Variants in RPS6KA5 observed in about 807,000 individuals in gnomAD.
The protein encoded by RPS6KA5 is ribosomal protein S6 kinase alpha-5.
In RPS6KA5, 27 loss-of-function variants were observed where a neutral mutation model predicts 85.5. That is an observed-to-expected ratio of 0.32 (90% CI 0.23 to 0.44). RPS6KA5 has a LOEUF of 0.44. Ranked by LOEUF, RPS6KA5 falls within the 20% of genes least tolerant of loss-of-function variation. The pLI is 1.00. For synonymous variants in RPS6KA5, 334 were observed against 348.2 expected (o/e 0.96, Z 0.46); for missense variants, 811 against 980.9 (o/e 0.83, Z 2.31).
intron 14 of RPS6KA5, among the ~76,000 whole-genome samples, chr14:90,876,302 G>A (rs1263215786): frequency 6.6e-6 from 1 of 151,972 alleles, no homozygotes; most frequent in Non-Finnish European, 1.5e-5. Context: ...CCTTTCCCCA[G>A]GACATGTAAC....
At position 91,032,078 on chromosome 14, in the gene RPS6KA5, T is replaced by A. The variant is rs537449692; in HGVS notation, c.103+28254A>T. Reference sequence around the variant, plus strand: ...AAACACCGTTCTCACCATTCTCAACTACCTTCTCCCCTTGGGAAGCTCAAT... The same window carrying A: ...AAACACCGTTCTCACCATTCTCAACAACCTTCTCCCCTTGGGAAGCTCAAT... On this transcript the variant is annotated intron_variant, in intron 1 of 16. Transcript: ENST00000614987. 9.2e-5 allele frequency among the ~76,000 whole-genome samples: 14 copies of A among 152,318 alleles called. No homozygotes were observed. The East Asian group carries it at 2.5e-3, about 27-fold the overall frequency.
intron 1 of RPS6KA5, among the ~76,000 whole-genome samples, chr14:91,050,415 T>C (rs1464504070): frequency 6.6e-6 from 1 of 151,278 alleles, no homozygotes; most frequent in Non-Finnish European, 1.5e-5. Flanking sequence ...CAAAGCATCT[T>C]ATTGGCTTGT....
intron 5 of RPS6KA5, among the ~76,000 whole-genome samples, chr14:90,928,739 G>GA (rs199815422): frequency 0.1 from 9,744 of 94,522 alleles, 550 homozygotes; most frequent in East Asian, 0.23. Flanking sequence ...CACTTAAAAT[G>GA]AAAAAAAAAA....
intron 4 of RPS6KA5, among the ~76,000 whole-genome samples, chr14:90,944,887 G>A (rs1406786801): frequency 2.0e-5 from 3 of 151,948 alleles, no homozygotes; most frequent in Admixed American, 6.6e-5. Context: ...ATTCCAGCCT[G>A]GGCAACAGAG....
intron 1 of RPS6KA5, among the ~76,000 whole-genome samples, chr14:91,037,158 A>T (rs1258636153): frequency 1.3e-5 from 2 of 152,180 alleles, no homozygotes; most frequent in Admixed American, 1.3e-4. Flanking sequence ...TATTGCTTCC[A>T]TGCCTGCTGA....
At chr14:90,930,968 A>G (rs1330758323) in intron 5 of RPS6KA5, among the ~76,000 whole-genome samples, 1 of 152,200 alleles carries the variant, frequency 6.6e-6, no homozygotes, top group Non-Finnish European at 1.5e-5. Context: ...GCTGCTATGG[A>G]AAATAGTATA....
intron 7 of RPS6KA5, among the ~76,000 whole-genome samples, chr14:90,908,951 G>A (rs2035655825): frequency 6.6e-6 from 1 of 152,236 alleles, no homozygotes; most frequent in Admixed American, 6.5e-5. Flanking sequence ...GTCTTGTGTG[G>A]GCTGGGAAGC....
chr14:91,006,660 C>G (rs909334907), intron 1 of RPS6KA5, among the ~76,000 whole-genome samples: 1 of 152,188 alleles, frequency 6.6e-6, no homozygotes, highest in Non-Finnish European at 1.5e-5. Context: ...GTTGTTTAAA[C>G]CAGATAGTTT....
intron 1 of RPS6KA5, among the ~76,000 whole-genome samples, chr14:91,044,097 G>A (rs1265384506): frequency 6.6e-6 from 1 of 151,820 alleles, no homozygotes; most frequent in Non-Finnish European, 1.5e-5. Flanking sequence ...CATGGTGGTG[G>A]GCACTTGTAA....
chr14:91,052,514 A>G, intron 1 of RPS6KA5: 1 of 233,766 alleles, frequency 4.3e-6, no homozygotes, highest in South Asian at 4.1e-5. Context: ...GTAAATATGG[A>G]TACCACTAAT....
chr14:90,904,209 G>T (rs572662649), intron 8 of RPS6KA5, among the ~76,000 whole-genome samples: 3 of 152,072 alleles, frequency 2.0e-5, no homozygotes, highest in African/African-American at 7.2e-5. Flanking sequence ...TTGGCCTCCC[G>T]AAGTGCTTCA....
At chr14:90,949,032 A>C (rs1384265368) in intron 3 of RPS6KA5, among the ~76,000 whole-genome samples, 3 of 152,236 alleles carry the variant, frequency 2.0e-5, no homozygotes, top group African/African-American at 7.2e-5. Flanking sequence ...CACGACAGCA[A>C]AAAGCATTTC....
rs2032134859 is a variant in RPS6KA5 at position 90,853,713 on chromosome 14, C to G, written c.*18361G>C. On this transcript the variant is annotated 3_prime_UTR_variant, in exon 17 of 17. Transcript: ENST00000614987. ...CCTAAAATTTAACACTATGAAGTCT[C>G]TATATTAAATCAAAATCGTAACCAT... 1 of 150,430 alleles carries G rather than the reference C, an allele frequency of 6.6e-6. No individual in the cohort carries two copies. Among genetic ancestry groups the G allele is most frequent in the Admixed American group, 6.6e-5 (1 of 15,108 alleles). 9.3% of individuals were successfully genotyped at this position (150,430 alleles called of 1,614,324 possible). A position where few individuals can be genotyped will look rare whatever the true frequency, so the allele number is the denominator to read the frequency against.
In RPS6KA5 at chr14:90,872,182, GGAA is replaced by G; in HGVS notation, c.2298_2300del (p.Ser768del). 6 of 1,613,918 alleles carry G rather than the reference GGAA, an allele frequency of 3.7e-6. No homozygotes were observed. Among genetic ancestry groups the G allele is most frequent in the Non-Finnish European group, 5.1e-6 (6 of 1,179,968 alleles). ...GTGTAGTTTTACCGTGAGAATGAGA[GGAA>G]GAAGAATGGGAACTCTCACTGGAAC... is the stretch of plus-strand genomic sequence containing the variant. On this transcript the variant is annotated inframe_deletion, in exon 17 of 17. Coordinates refer to ENST00000614987, the MANE Select transcript of RPS6KA5 (RefSeq NM_004755.4).
At chr14:90,969,142 G>T (rs2039207628) in intron 3 of RPS6KA5, among the ~76,000 whole-genome samples, 1 of 152,144 alleles carries the variant, frequency 6.6e-6, no homozygotes, top group Non-Finnish European at 1.5e-5. Context: ...CAGTAAATTT[G>T]TTTCTTAAAA....
chr14:91,002,570 T>C (rs2040836265), intron 1 of RPS6KA5, among the ~76,000 whole-genome samples: 1 of 152,112 alleles, frequency 6.6e-6, no homozygotes, highest in African/African-American at 2.4e-5. Flanking sequence ...ACTAACAACT[T>C]TTAGAATGAA....
At chr14:91,031,735 A>C (rs2042197050) in intron 1 of RPS6KA5, among the ~76,000 whole-genome samples, 3 of 152,186 alleles carry the variant, frequency 2.0e-5, no homozygotes, top group Admixed American at 2.0e-4. Context: ...AGGAAAAAAA[A>C]CATAAAACAC....
chr14:91,011,468 G>A (rs1320381233), intron 1 of RPS6KA5, among the ~76,000 whole-genome samples: 2 of 151,962 alleles, frequency 1.3e-5, no homozygotes, highest in Non-Finnish European at 2.9e-5. Context: ...CTTGAAGACA[G>A]AGTAAAACTC....
chr14:90,884,441 C>T (rs1362433474), intron 14 of RPS6KA5, among the ~76,000 whole-genome samples: 4 of 152,104 alleles, frequency 2.6e-5, no homozygotes, highest in Admixed American at 1.3e-4. Flanking sequence ...GCAAATATGC[C>T]GAAATCCAAA....
Sources: allele counts gnomAD v4.1 joint callset (sites outside exome capture counted in the v4.1 genomes callset), GRCh38; gene constraint gnomAD v4.1.1; transcripts MANE v1.5; gene names NCBI Gene and HGNC (gene_info 2026-07-23, HGNC 2026-07-21).